The following CES5A variants were observed in gnomAD, a reference collection of about 807,000 sequenced individuals.
The protein encoded by CES5A is carboxylesterase 5.
A neutral mutation model predicts 62.9 loss-of-function variants in CES5A; 67 were observed. The observed-to-expected ratio is 1.07, with a 90% CI of 0.88 to 1.31. The LOEUF (loss-of-function observed/expected upper bound fraction) is 1.31. Ranked by LOEUF, CES5A falls within the 50% of genes most tolerant of loss-of-function variation. CES5A has a pLI of 0.00. For synonymous variants in CES5A, 296 were observed against 280.8 expected (o/e 1.05, Z -0.54); for missense variants, 748 against 708.5 (o/e 1.06, Z -0.63).
At chr16:55,940,447 T>C (rs996256764) in intron 2 of CES5A, among the ~76,000 whole-genome samples, 5 of 151,998 alleles carry the variant, frequency 3.3e-5, no homozygotes. Flanking sequence ...TGAACAATTC[T>C]TGGAAAACCA....
chr16:55,882,003 T>C (rs1178706172), intron 1 of CES5A, among the ~76,000 whole-genome samples: 5 of 152,122 alleles, frequency 3.3e-5, no homozygotes, highest in Non-Finnish European at 5.9e-5. Flanking sequence ...AGAAGTAAAG[T>C]AGACAGGCAG....
chr16:55,917,158 A>G (rs1015835299), intron 1 of CES5A, among the ~76,000 whole-genome samples: 1 of 152,170 alleles, frequency 6.6e-6, no homozygotes, highest in South Asian at 2.1e-4. Flanking sequence ...ATCCAGTTCC[A>G]TGGTTTTAAG....
At chr16:55,910,104 C>G (rs1029738862) in intron 1 of CES5A, among the ~76,000 whole-genome samples, 20 of 152,240 alleles carry the variant, frequency 1.3e-4, no homozygotes, top group Middle Eastern at 3.4e-3. Context: ...GGGACACCTG[C>G]CATTAGACTC....
chr16:55,903,108 G>A (rs10400950), intron 1 of CES5A, among the ~76,000 whole-genome samples: 22,628 of 151,634 alleles, frequency 0.15, 1,762 homozygotes, highest in South Asian at 0.17. Flanking sequence ...ACCAGGACTC[G>A]TTAGTCTAAA....
chr16:55,864,530 G>C (rs1481380668), intron 5 of CES5A, among the ~76,000 whole-genome samples: 4 of 152,168 alleles, frequency 2.6e-5, no homozygotes, highest in Non-Finnish European at 4.4e-5. Context: ...GAGAACAAAT[G>C]AACTGTATGT....
chr16:55,931,865 A>G (rs2142469763), intron 2 of CES5A, among the ~76,000 whole-genome samples: 2 of 152,316 alleles, frequency 1.3e-5, no homozygotes, highest in South Asian at 4.1e-4. Context: ...CTTATGAAGC[A>G]TCTACCACAT....
At chr16:55,929,910 C>T (rs1224267812), upstream of CES5A, among the ~76,000 whole-genome samples, 3 of 152,082 alleles carry the variant, frequency 2.0e-5, no homozygotes, top group Non-Finnish European at 4.4e-5. Flanking sequence ...AAGTGAGAAC[C>T]TTGCTCTCCT....
intron 1 of CES5A, among the ~76,000 whole-genome samples, chr16:55,899,245 A>T (rs2033965089): frequency 6.6e-6 from 1 of 152,198 alleles, no homozygotes; most frequent in Middle Eastern, 3.2e-3. Context: ...CAGAATGGAC[A>T]GGTCCCTTTC....
chr16:55,855,812 A>C (rs139118248), intron 9 of CES5A, among the ~76,000 whole-genome samples: 392 of 152,156 alleles, frequency 2.6e-3, no homozygotes, highest in South Asian at 0.025. Flanking sequence ...GGTTTGTGGG[A>C]CTATTGATAT....
intron 1 of CES5A, among the ~76,000 whole-genome samples, chr16:55,906,263 G>A (rs1440853924): frequency 6.6e-6 from 1 of 152,204 alleles, no homozygotes; most frequent in Non-Finnish European, 1.5e-5. Context: ...AGCATTTGAG[G>A]AGACGGGTGT....
In CES5A at chr16:55,885,234, C is replaced by T. The variant is rs568025174; in HGVS notation, c.-255-11197G>A. ...GACATTTTTTTCAGTTCACCACCAG[C>T]AAAATCTAGCAATTGAGCCATCACC... On this transcript the variant is annotated intron_variant, in intron 1 of 12. Transcript: ENST00000518005. 5.9e-5 allele frequency among the ~76,000 whole-genome samples: 9 copies of T among 152,226 alleles called. No homozygotes were observed. In the South Asian group the frequency reaches 1.0e-3, roughly 18 times the overall value.
At chr16:55,911,870 G>A (rs1247056008) in intron 1 of CES5A, among the ~76,000 whole-genome samples, 1 of 152,166 alleles carries the variant, frequency 6.6e-6, no homozygotes, top group African/African-American at 2.4e-5. Flanking sequence ...AACAGCTCCT[G>A]CCCAGACCCA....
rs112896940 is a variant in CES5A, at chr16:55,945,244, T to G, written c.160+4541A>C. The stretch of plus-strand genomic sequence containing the variant: ...CTAGCACTTCATAAGCAATAATCAT[T>G]TATTGAGCACCTATTAGGGGTAGGT... On this transcript the variant is annotated intron_variant, in intron 2 of 13. Transcript: ENST00000521992. Among the ~76,000 whole-genome samples, 1,221 of 152,044 alleles carry G rather than the reference T, an allele frequency of 8.0e-3. 17 individuals are homozygous for G. The highest frequency in any genetic ancestry group is 0.024 in the African/African-American group (989 of 41,394).
At chr16:55,885,468 G>A (rs7189113) in intron 1 of CES5A, among the ~76,000 whole-genome samples, 22,293 of 152,168 alleles carry the variant, frequency 0.15, 1,736 homozygotes, top group South Asian at 0.17. Flanking sequence ...GGAGGGAGCC[G>A]GGAAAGTCCA....
At chr16:55,945,265 T>G (rs550062206) in intron 2 of CES5A, among the ~76,000 whole-genome samples, 2 of 152,288 alleles carry the variant, frequency 1.3e-5, no homozygotes, top group South Asian at 4.1e-4. Flanking sequence ...CTATTAGGGG[T>G]AGGTACATTA....
chr16:55,851,885 T>C (rs1318418656), intron 10 of CES5A, among the ~76,000 whole-genome samples: 1 of 152,210 alleles, frequency 6.6e-6, no homozygotes, highest in African/African-American at 2.4e-5. Flanking sequence ...TGATGTATAG[T>C]ACAGCATATA....
intron 1 of CES5A, among the ~76,000 whole-genome samples, chr16:55,953,680 G>A (rs1455552466): frequency 2.0e-5 from 3 of 152,010 alleles, no homozygotes; most frequent in Non-Finnish European, 4.4e-5. Flanking sequence ...TAAATACCTG[G>A]TTTTGTTTGT....
At position 55,944,304 on chromosome 16, in the gene CES5A, A is replaced by C. The variant is rs1224448792; in HGVS notation, c.160+5481T>G. The C allele has an allele frequency of 1.4e-5, 8 of 587,192 alleles. No homozygotes were observed. The Admixed American group carries it at 1.5e-4, about 11-fold the overall frequency. The allele number at this position is 587,192 out of a possible 1,614,324, so 36.4% of individuals were successfully genotyped here. ...CCTGGTGACCTCCTGGATTGTTGAGAAGATCTAATGAAGTAAAAGGTAAGA... is the reference window on the plus strand; with the variant it reads ...CCTGGTGACCTCCTGGATTGTTGAGCAGATCTAATGAAGTAAAAGGTAAGA... On this transcript the variant is annotated intron_variant, in intron 2 of 13. Coordinates refer to the CES5A transcript ENST00000521992.
At chr16:55,900,280 A>T (rs2033977441) in intron 1 of CES5A, among the ~76,000 whole-genome samples, 2 of 152,236 alleles carry the variant, frequency 1.3e-5, no homozygotes, top group African/African-American at 4.8e-5. Context: ...CTCAAAAGAA[A>T]ATCTGTTTGC....
Sources: gnomAD v4.1 joint callset for allele counts (sites outside exome capture counted in the v4.1 genomes callset) on GRCh38, gnomAD v4.1.1 for gene constraint, MANE v1.5 for transcripts, NCBI Gene and HGNC (gene_info 2026-07-23, HGNC 2026-07-21) for gene names.